The following KICS2 variants were observed in gnomAD, a reference collection of about 807,000 sequenced individuals.
KICS2 encodes the protein KICSTOR subunit 2.
In KICS2, 13 loss-of-function variants were observed where a neutral mutation model predicts 31.4. The observed-to-expected ratio is 0.41, with a 90% CI of 0.27 to 0.66. The LOEUF (loss-of-function observed/expected upper bound fraction) is 0.66, where lower values mean the gene tolerates loss of function less well. KICS2 is among the 30% of genes least tolerant of loss of function. The pLI, the probability that KICS2 is intolerant of heterozygous loss-of-function variation, is 0.28. For missense variants in KICS2, 455 were observed against 545.4 expected, an observed-to-expected ratio of 0.83 and a Z score of 1.65; for synonymous variants, 209 against 214.8, an observed-to-expected ratio of 0.97 and a Z score of 0.24.
At chr12:64,212,090 A>G (rs1429340773) in intron 2 of KICS2, among the ~76,000 whole-genome samples, 1 of 152,196 alleles carries the variant, frequency 6.6e-6, no homozygotes, top group Admixed American at 6.5e-5. Flanking sequence ...AAATGTTAAC[A>G]ATTTGTGAAT....
At chr12:64,205,240 T>C (rs185220195) in intron 2 of KICS2, among the ~76,000 whole-genome samples, 235 of 152,328 alleles carry the variant, frequency 1.5e-3, no homozygotes, top group African/African-American at 4.7e-3. Flanking sequence ...TGTCCAAACC[T>C]TCAGAAAGAA....
rs777080708 is a variant in KICS2, at chr12:64,194,130, C to T, written c.1050G>A (p.Val350=). Residue 350 remains valine, a synonymous_variant, in exon 3 of 3, where the codon GTG becomes GTA. Transcript: ENST00000398055. ...PKGVDQYPAV[V]SLPSDRPVMH... is the part of the protein sequence containing the mutation. Reference sequence around the variant, plus strand: ...TGACTGGCCTGTCGCTGGGCAGAGACACTACAGCTGGATACTGGTCCACAC... The same window carrying T: ...TGACTGGCCTGTCGCTGGGCAGAGATACTACAGCTGGATACTGGTCCACAC... 1 of 1,614,150 alleles carries T rather than the reference C, an allele frequency of 6.2e-7. No homozygotes were observed. The highest frequency in any genetic ancestry group is 1.3e-5 in the African/African-American group (1 of 75,030).
At chr12:64,195,975 T>C (rs1427210508) in intron 2 of KICS2, among the ~76,000 whole-genome samples, 1 of 152,270 alleles carries the variant, frequency 6.6e-6, no homozygotes, top group East Asian at 1.9e-4. Context: ...CGCTGATTGC[T>C]AGCACAGCAG....
chr12:64,196,921 G>A (rs1399889441), intron 2 of KICS2, among the ~76,000 whole-genome samples: 1 of 147,918 alleles, frequency 6.8e-6, no homozygotes, highest in African/African-American at 2.5e-5. Flanking sequence ...AAAGAAATCA[G>A]CAAAGCCTCC....
At chr12:64,212,131 A>G (rs1215758639) in intron 2 of KICS2, among the ~76,000 whole-genome samples, 1 of 142,220 alleles carries the variant, frequency 7.0e-6, no homozygotes, top group Non-Finnish European at 1.6e-5. Context: ...TGTTCATTGT[A>G]CAGTCATTTT....
chr12:64,210,573 C>T (rs1288598406), intron 2 of KICS2, among the ~76,000 whole-genome samples: 2 of 152,020 alleles, frequency 1.3e-5, no homozygotes, highest in Admixed American at 6.6e-5. Flanking sequence ...CGCAGGAGTT[C>T]AAGACAAGCC....
chr12:64,221,729 C>G (rs1486547744), intron 1 of KICS2: 1 of 554,404 alleles, frequency 1.8e-6, no homozygotes, highest in Non-Finnish European at 3.2e-6. Flanking sequence ...TGGCATCAAT[C>G]CATGCACGAG....
At chr12:64,205,357 A>G (rs2037526651) in intron 2 of KICS2, among the ~76,000 whole-genome samples, 1 of 152,208 alleles carries the variant, frequency 6.6e-6, no homozygotes, top group Non-Finnish European at 1.5e-5. Context: ...AAGAAGAGCT[A>G]AAAATTCATG....
chr12:64,196,831 A>G lies in KICS2; in HGVS notation c.522-2173T>C, dbSNP rs868846809. The stretch of plus-strand genomic sequence containing the variant: ...GAAGCCTCAGGAGCCGATGCAATCA[A>G]CTGGAAGAAAGGGTATCAGCGATGG... On this transcript the variant is annotated intron_variant, in intron 2 of 2. Coordinates refer to ENST00000398055, the MANE Select transcript of KICS2 (RefSeq NM_152440.5). Among the ~76,000 whole-genome samples the G allele has an allele frequency of 9.0e-4, 136 of 150,924 alleles. 2 individuals are homozygous for G. The highest frequency in any genetic ancestry group is 3.1e-3 in the African/African-American group (128 of 40,800).
At position 64,192,994 on chromosome 12, in the gene KICS2, T is replaced by C. The variant is rs61931230; in HGVS notation, c.*848A>G. 1 of 985,468 alleles carries C rather than the reference T, an allele frequency of 1.0e-6. No individual in the cohort carries two copies. The highest frequency in any genetic ancestry group is 1.2e-6 in the Non-Finnish European group (1 of 829,944). The allele number at this position is 985,468 out of a possible 1,614,324, so 61.0% of individuals were successfully genotyped here. On this transcript the variant is annotated 3_prime_UTR_variant, in exon 3 of 3. Coordinates refer to ENST00000398055, the MANE Select transcript of KICS2 (RefSeq NM_152440.5). ...AGTGGCTGAAAAACCGACTGCATGCTTTTAAGCCTAAAAATAACCAAGGAG... is the reference window on the plus strand; with the variant it reads ...AGTGGCTGAAAAACCGACTGCATGCCTTTAAGCCTAAAAATAACCAAGGAG...
At chr12:64,209,455 G>A (rs535082338) in intron 2 of KICS2, among the ~76,000 whole-genome samples, 2 of 152,130 alleles carry the variant, frequency 1.3e-5, no homozygotes, top group South Asian at 4.2e-4. Context: ...CATGGTGGCA[G>A]GCGCCTGTAA....
chr12:64,203,088 C>T (rs867253984), intron 2 of KICS2, among the ~76,000 whole-genome samples: 1 of 152,158 alleles, frequency 6.6e-6, no homozygotes, highest in African/African-American at 2.4e-5. Flanking sequence ...AGACATACAG[C>T]CACCCTAGTT....
At chr12:64,205,829 A>G (rs2037534878) in intron 2 of KICS2, among the ~76,000 whole-genome samples, 1 of 115,366 alleles carries the variant, frequency 8.7e-6, no homozygotes. Flanking sequence ...AGGAAAATAT[A>G]AAATGAATAG....
intron 2 of KICS2, among the ~76,000 whole-genome samples, chr12:64,208,161 C>T (rs1207344240): frequency 6.6e-6 from 1 of 152,190 alleles, no homozygotes; most frequent in Non-Finnish European, 1.5e-5. Flanking sequence ...AGGCACACAC[C>T]ACCACAGCTG....
chr12:64,219,009 CTTCT>C (rs2037654915), intron 1 of KICS2, among the ~76,000 whole-genome samples: 1 of 152,134 alleles, frequency 6.6e-6, no homozygotes, highest in Non-Finnish European at 1.5e-5. Flanking sequence ...AAACATCCAA[CTTCT>C]TTCTCTTTTC....
chr12:64,187,738 C>T, downstream of KICS2: 1 of 1,103,390 alleles, frequency 9.1e-7, no homozygotes, highest in East Asian at 2.6e-5. Context: ...TTTTTTGTTT[C>T]TCACTTAGGA....
intron 2 of KICS2, among the ~76,000 whole-genome samples, chr12:64,215,054 C>G (rs2037615222): frequency 6.6e-6 from 1 of 151,818 alleles, no homozygotes; most frequent in Non-Finnish European, 1.5e-5. Context: ...GCCTGTAATC[C>G]CAGCACTTTG....
rs577101098 is a variant in KICS2, at chr12:64,217,120, G to A, written c.236-1157C>T. On this transcript the variant is annotated intron_variant, in intron 1 of 2. Transcript: ENST00000398055. ...ATTCATTGCTCGGTTTATGTTTCAA[G>A]AAATGAATCTTCCTTCCCTTACTAC... 2.6e-5 allele frequency among the ~76,000 whole-genome samples: 4 copies of A among 152,240 alleles called. No individual in the cohort carries two copies. The East Asian group carries it at 7.7e-4, about 29-fold the overall frequency.
At chr12:64,208,482 G>A (rs2037558505) in intron 2 of KICS2, among the ~76,000 whole-genome samples, 1 of 152,196 alleles carries the variant, frequency 6.6e-6, no homozygotes, top group Admixed American at 6.5e-5. Context: ...GCATTCCACA[G>A]AAATTGCACT....
Sources: allele counts gnomAD v4.1 joint callset (sites outside exome capture counted in the v4.1 genomes callset), GRCh38; gene constraint gnomAD v4.1.1; transcripts MANE v1.5; gene names NCBI Gene and HGNC (gene_info 2026-07-23, HGNC 2026-07-21).